Variants in MCM5 observed in about 807,000 individuals in gnomAD.
MCM5 encodes DNA replication licensing factor MCM5.
MCM5 carries 46 observed loss-of-function variants against 79.9 expected under a neutral mutation model. The ratio of observed to expected loss-of-function variants is 0.58; its 90% confidence interval spans 0.45 to 0.74. The LOEUF is 0.74. MCM5 is among the 30% of genes least tolerant of loss of function. The pLI is 0.00. For missense variants in MCM5, 883 were observed against 1,017.0 expected (o/e 0.87, Z 1.79); for synonymous variants, 404 against 390.5 (o/e 1.03, Z -0.41).
chr22:35,441,333 AAGGGTGGGCTCAGCTC>A, the MCM5 span, among the ~76,000 whole-genome samples: 1,849 of 152,270 alleles, frequency 0.012, 25 homozygotes, highest in South Asian at 0.052. Flanking sequence ...GGAGTGAGCT[AAGGGTGGGCTCAGCTC>A]AGGGAGGACA....
chr22:35,423,101 A>T, intron 15 of MCM5, 113 bp from the exon 16 acceptor site: 1 of 1,225,638 alleles, frequency 8.2e-7, no homozygotes, highest in Non-Finnish European at 1.1e-6. Flanking sequence ...CCCTTTTCTG[A>T]CTTACTCTTC....
In MCM5 at chr22:35,424,171, C is replaced by T; in HGVS notation, c.2121C>T (p.Ala707=). 6.4e-7 allele frequency: 1 copy of T among 1,551,760 alleles called. No homozygotes were observed. Among genetic ancestry groups the T allele is most frequent in the Non-Finnish European group, 8.7e-7 (1 of 1,147,140 alleles). ...DFTKQKYPEH[A]IHKVLQLMLR... is the part of the protein sequence containing the mutation. ...TCCCACAGAAATACCCGGAGCACGC[C>T]ATCCACAAGGTGCTGCAGCTCATGC... Residue 707 remains alanine (A), a synonymous_variant, in exon 17 of 17, where the codon GCC becomes GCT. Transcript: ENST00000216122.
chr22:35,450,269 A>G, the MCM5 span, among the ~76,000 whole-genome samples: 5 of 152,188 alleles, frequency 3.3e-5, no homozygotes, highest in East Asian at 9.7e-4. Flanking sequence ...TCTCTGGGCG[A>G]CCTTATTCCA....
the MCM5 span, among the ~76,000 whole-genome samples, chr22:35,442,878 C>G: frequency 3.9e-5 from 6 of 152,232 alleles, no homozygotes; most frequent in Non-Finnish European, 5.9e-5. Context: ...GTTTGTTTCC[C>G]ATTGGGTTTG....
chr22:35,422,634 G>A (rs1423847003), intron 15 of MCM5: 1 of 152,204 alleles, frequency 6.6e-6, no homozygotes, highest in Non-Finnish European at 1.5e-5. Context: ...TTTGAGTTGG[G>A]TCTTATGGGC....
At chr22:35,406,518 C>A in intron 4 of MCM5, 35 bp from the exon 5 acceptor site, 4 of 1,596,190 alleles carry the variant, frequency 2.5e-6, no homozygotes, top group Non-Finnish European at 3.4e-6. Context: ...CCTGGCTCCC[C>A]TTAACCAACA....
At chr22:35,445,391 C>T in the MCM5 span, among the ~76,000 whole-genome samples, 45 of 125,116 alleles carry the variant, frequency 3.6e-4, no homozygotes, top group Admixed American at 1.5e-3. Context: ...TGCAGTGGCT[C>T]GATCTCGGCT....
At position 35,403,518 on chromosome 22, in the gene MCM5, C is replaced by T. The variant is rs368737692; in HGVS notation, c.399C>T (p.Ser133=). 153 of 1,613,894 alleles carry T rather than the reference C, an allele frequency of 9.5e-5. No homozygotes were observed. The highest frequency in any genetic ancestry group is 1.2e-4 in the Non-Finnish European group (145 of 1,180,052). ...AGGTCATGCTCAAGTCGGACGCCAG[C>T]CCTTCCAGCATTCGTAGCCTGAAGG... The part of the protein sequence containing the change: ...DIQVMLKSDA[S]PSSIRSLKSD... The change falls in exon 4 of 17, where the codon AGC becomes AGT. Residue 133 remains serine, a synonymous_variant. Transcript: ENST00000216122.
the MCM5 span, among the ~76,000 whole-genome samples, chr22:35,431,827 T>A: frequency 6.6e-6 from 1 of 152,184 alleles, no homozygotes; most frequent in Admixed American, 6.5e-5. Flanking sequence ...GTTCCCTCTG[T>A]GCCTCTCCTC....
At chr22:35,445,913 C>G in the MCM5 span, among the ~76,000 whole-genome samples, 1 of 152,206 alleles carries the variant, frequency 6.6e-6, no homozygotes, top group Admixed American at 6.5e-5. Flanking sequence ...GAGTGACCTC[C>G]CAGATGGTAC....
chr22:35,407,346 C>T (rs1038150801), intron 5 of MCM5, among the ~76,000 whole-genome samples: 16 of 152,156 alleles, frequency 1.1e-4, no homozygotes, highest in South Asian at 2.1e-4. Context: ...GAGAGGCACG[C>T]TACCTCCTCC....
chr22:35,440,693 G>A, the MCM5 span, among the ~76,000 whole-genome samples: 3 of 152,178 alleles, frequency 2.0e-5, no homozygotes, highest in African/African-American at 7.2e-5. Context: ...CAGAGGATCC[G>A]AGGAAGGCAG....
chr22:35,424,214 C>G lies in MCM5; in HGVS notation c.2164C>G (p.Gln722Glu). The G allele has an allele frequency of 6.4e-7, 1 of 1,553,386 alleles. No homozygotes were observed. The highest frequency in any genetic ancestry group is 8.7e-7 in the Non-Finnish European group (1 of 1,148,076). ...LQLMLRRGEIQHRMQRKVLYR... is the reference protein window; with the variant it reads ...LQLMLRRGEIEHRMQRKVLYR... ...GCTCATGCTGCGGCGCGGCGAGATC[C>G]AGCATCGCATGCAGCGCAAGGTTCT... The change falls in exon 17 of 17, where the codon CAG becomes GAG. Residue 722 changes from glutamine (Q) to glutamate (E), a missense_variant. Gln to Glu is a conservative substitution (Grantham distance 29). Transcript: ENST00000216122.
intron 2 of MCM5, among the ~76,000 whole-genome samples, chr22:35,402,650 T>C (rs1393291831): frequency 2.0e-5 from 3 of 151,884 alleles, no homozygotes; most frequent in Admixed American, 2.0e-4. Flanking sequence ...ACCTCTGGGG[T>C]TCAGGCATTC....
chr22:35,401,717 G>T, intron 2 of MCM5: 1 of 464,808 alleles, frequency 2.2e-6, no homozygotes. Flanking sequence ...AAGATGAAAA[G>T]ACGTGCTTCT....
chr22:35,428,171 C>T (rs1002406722), downstream of MCM5, among the ~76,000 whole-genome samples: 1 of 151,806 alleles, frequency 6.6e-6, no homozygotes, highest in Non-Finnish European at 1.5e-5. Context: ...CAGGTGCCCA[C>T]CACCACACCC....
rs1932013952 is a variant in MCM5 at position 35,400,583 on chromosome 22, A to G, written c.145A>G (p.Thr49Ala). The change falls in exon 2 of 17, where the codon ACG becomes GCG. Residue 49 changes from threonine (T) to alanine (A), a missense_variant. By Grantham distance (58) the Thr-to-Ala change is moderately conservative (BLOSUM62 0). This residue lies in a region of MCM5 where 455 missense variants were observed against 517.5 expected (regional missense o/e 0.88). Coordinates refer to ENST00000216122, the MANE Select transcript of MCM5 (RefSeq NM_006739.4). ...GCAGTACCGAGTGGGCACCGACCGC[A>G]CGGGCTTCACCTTCAAATACAGGTG... ...LRQYRVGTDR[T>A]GFTFKYRDEL... The G allele has an allele frequency of 6.2e-7, 1 of 1,612,484 alleles. No homozygotes were observed. Among genetic ancestry groups the G allele is most frequent in the African/African-American group, 1.3e-5 (1 of 74,992 alleles).
chr22:35,408,605 A>G (rs770592618), intron 6 of MCM5, 42 bp downstream of exon 6: 36 of 1,584,544 alleles, frequency 2.3e-5, no homozygotes, highest in Non-Finnish European at 1.1e-5. Context: ...ACGACGGTGG[A>G]TGTCCCAGCT....
At chr22:35,425,484 C>A (rs1048218902), downstream of MCM5, 1 of 152,186 alleles carries the variant, frequency 6.6e-6, no homozygotes, top group African/African-American at 2.4e-5. Flanking sequence ...AAGATTCCTG[C>A]AGCTCAAAGC....
Sources: allele counts gnomAD v4.1 joint callset (sites outside exome capture counted in the v4.1 genomes callset), GRCh38; gene constraint gnomAD v4.1.1; regional missense constraint gnomAD v4.1.1; transcripts MANE v1.5; gene names NCBI Gene and HGNC (gene_info 2026-07-23, HGNC 2026-07-21).